Variants in COLEC10 observed in about 807,000 individuals in gnomAD.
COLEC10 encodes the protein collectin-10.
A neutral mutation model predicts 28.4 loss-of-function variants in COLEC10; 22 were observed. The observed-to-expected ratio is 0.78, with a 90% CI of 0.55 to 1.11. The LOEUF is 1.11. Ranked by LOEUF, COLEC10 falls within the 50% of genes least tolerant of loss-of-function variation. The pLI is 0.00. For missense variants in COLEC10, 361 were observed against 344.1 expected, an observed-to-expected ratio of 1.05 and a Z score of -0.39; for synonymous variants, 125 against 116.1, an observed-to-expected ratio of 1.08 and a Z score of -0.49.
chr8:118,977,749 TAATA>T, the COLEC10 span, among the ~76,000 whole-genome samples: 9,402 of 148,174 alleles, frequency 0.063, 570 homozygotes, highest in East Asian at 0.21. Flanking sequence ...AGTATAATAA[TAATA>T]AATAAATAAA....
chr8:119,097,719 G>A (rs943034561), intron 3 of COLEC10, among the ~76,000 whole-genome samples: 1 of 152,074 alleles, frequency 6.6e-6, no homozygotes, highest in Non-Finnish European at 1.5e-5. Flanking sequence ...TAGCAGGAAA[G>A]TGGGATGTTG....
intron 3 of COLEC10, among the ~76,000 whole-genome samples, chr8:119,094,718 T>C (rs1363948330): frequency 6.6e-6 from 1 of 152,136 alleles, no homozygotes. Flanking sequence ...CAAAGAGGAA[T>C]GGCCCAGGAA....
chr8:119,104,456 T>TTA (rs1815899440), intron 5 of COLEC10, among the ~76,000 whole-genome samples: 2 of 152,184 alleles, frequency 1.3e-5, no homozygotes, highest in African/African-American at 4.8e-5. Context: ...CATAATGTGT[T>TTA]TATCTGTTTT....
chr8:118,992,963 A>G (rs1190050883), upstream of COLEC10, among the ~76,000 whole-genome samples: 1 of 152,220 alleles, frequency 6.6e-6, no homozygotes, highest in South Asian at 2.1e-4. Context: ...GGTAAGGAAT[A>G]TCTTCTCACA....
the COLEC10 span, among the ~76,000 whole-genome samples, chr8:118,965,142 G>A: frequency 6.6e-6 from 1 of 152,108 alleles, no homozygotes; most frequent in Non-Finnish European, 1.5e-5. Context: ...GAAGTGCAAT[G>A]ACTATTCTAT....
At chr8:119,088,037 G>A (rs1815515858) in intron 1 of COLEC10, among the ~76,000 whole-genome samples, 2 of 152,028 alleles carry the variant, frequency 1.3e-5, no homozygotes, top group East Asian at 3.9e-4. Context: ...ATCTACAGGA[G>A]GATCACTTGA....
At chr8:118,963,096 G>A in the COLEC10 span, among the ~76,000 whole-genome samples, 1 of 152,242 alleles carries the variant, frequency 6.6e-6, no homozygotes, top group Non-Finnish European at 1.5e-5. Flanking sequence ...CCGGGGTCTG[G>A]CAAGTCAAGG....
upstream of COLEC10, among the ~76,000 whole-genome samples, chr8:118,992,305 C>T (rs1447864432): frequency 6.6e-6 from 1 of 152,012 alleles, no homozygotes; most frequent in Non-Finnish European, 1.5e-5. Context: ...TGAGAAACAT[C>T]CTCTCTTCAA....
the COLEC10 span, among the ~76,000 whole-genome samples, chr8:118,972,431 T>C: frequency 1.3e-5 from 2 of 151,966 alleles, no homozygotes; most frequent in African/African-American, 2.4e-5. Flanking sequence ...TCATGTGATT[T>C]CCAAATTTGT....
intron 2 of COLEC10, among the ~76,000 whole-genome samples, chr8:119,019,167 A>C (rs1229487546): frequency 6.6e-6 from 1 of 152,154 alleles, no homozygotes; most frequent in Non-Finnish European, 1.5e-5. Flanking sequence ...AGATGGTATA[A>C]ATATGCTTGC....
intron 4 of COLEC10, 81 bp from the exon 5 acceptor site, chr8:119,103,719 A>G: frequency 1.2e-6 from 1 of 814,720 alleles, no homozygotes; most frequent in Non-Finnish European, 2.1e-6. Context: ...AAGATAGTGA[A>G]TATTGGAAAG....
the COLEC10 span, among the ~76,000 whole-genome samples, chr8:118,952,999 G>A: frequency 6.6e-6 from 1 of 152,160 alleles, no homozygotes; most frequent in Non-Finnish European, 1.5e-5. Context: ...TCCAGAGAAG[G>A]GCAAATACTG....
chr8:118,989,174 A>G, the COLEC10 span, among the ~76,000 whole-genome samples: 1 of 152,194 alleles, frequency 6.6e-6, no homozygotes, highest in Non-Finnish European at 1.5e-5. Flanking sequence ...GAAAGAATCA[A>G]ATGTAAATGC....
At chr8:119,057,272 T>C (rs986881577) in intron 2 of COLEC10, among the ~76,000 whole-genome samples, 5 of 152,092 alleles carry the variant, frequency 3.3e-5, no homozygotes, top group African/African-American at 1.2e-4. Flanking sequence ...AGTACTTGCT[T>C]CTCCTTCACC....
intron 2 of COLEC10, 30 bp downstream of exon 2, chr8:119,089,781 T>G (rs766118939): frequency 6.4e-7 from 1 of 1,565,252 alleles, no homozygotes; most frequent in Admixed American, 1.7e-5. Flanking sequence ...ACTGACATTT[T>G]AATATCATAA....
At position 119,067,425 on chromosome 8, in the gene COLEC10, C is replaced by G. The variant is rs778984624; in HGVS notation, c.144C>G (p.Pro48=). The change falls in exon 1 of 6, where the codon CCC becomes CCG. Residue 48 remains proline, a synonymous_variant. Coordinates refer to ENST00000332843, the MANE Select transcript of COLEC10 (RefSeq NM_006438.5). ...VCATHTISPG[P]KGDDGEKGDP... is the part of the protein sequence containing the mutation. Reference sequence around the variant, plus strand: ...CCACACACACAATTTCACCAGGACCCAAAGGTGAGGAAAGAAAACCACAAT... The same window carrying G: ...CCACACACACAATTTCACCAGGACCGAAAGGTGAGGAAAGAAAACCACAAT... The G allele has an allele frequency of 6.2e-7, 1 of 1,612,894 alleles. No individual in the cohort carries two copies. Among genetic ancestry groups the G allele is most frequent in the East Asian group, 2.2e-5 (1 of 44,848 alleles).
chr8:119,044,603 G>A (rs1814555591), intron 2 of COLEC10, among the ~76,000 whole-genome samples: 2 of 152,250 alleles, frequency 1.3e-5, no homozygotes, highest in Admixed American at 1.3e-4. Context: ...CCAGCACTTT[G>A]GGAGGCCAGC....
chr8:119,011,330 C>A (rs77038034), intron 2 of COLEC10, among the ~76,000 whole-genome samples: 3 of 150,546 alleles, frequency 2.0e-5, no homozygotes, highest in East Asian at 3.9e-4. Flanking sequence ...TCTGATCCAC[C>A]GATCTATTTG....
chr8:118,987,159 C>A, the COLEC10 span, among the ~76,000 whole-genome samples: 1 of 152,024 alleles, frequency 6.6e-6, no homozygotes, highest in Non-Finnish European at 1.5e-5. Context: ...ACAAAAAAAA[C>A]AAACCCACAC....
Sources: gnomAD v4.1 joint callset for allele counts (sites outside exome capture counted in the v4.1 genomes callset) on GRCh38, gnomAD v4.1.1 for gene constraint, MANE v1.5 for transcripts, NCBI Gene and HGNC (gene_info 2026-07-23, HGNC 2026-07-21) for gene names.